Variants in MACROD2 observed in about 807,000 individuals in gnomAD.
MACROD2 encodes the protein mono-ADP ribosylhydrolase 2.
Under a neutral mutation model 70.4 loss-of-function variants are expected in MACROD2, and 36 were observed. The ratio of observed to expected loss-of-function variants is 0.51; its 90% CI spans 0.39 to 0.68. The LOEUF (loss-of-function observed/expected upper bound fraction) is 0.68, where lower values mean the gene tolerates loss of function less well. Among genes scored for constraint, MACROD2 ranks in the 30% least tolerant of loss-of-function variants. The probability of loss-of-function intolerance (pLI) is 0.00; values close to 1 mark genes in which losing one functional copy is unlikely to be tolerated. For missense variants in MACROD2, 496 were observed against 538.4 expected (o/e 0.92, Z 0.78); for synonymous variants, 172 against 178.8 (o/e 0.96, Z 0.30).
intron 5 of MACROD2, among the ~76,000 whole-genome samples, chr20:15,207,436 GT>G (rs548522491): frequency 1.1e-3 from 96 of 84,558 alleles, no homozygotes; most frequent in Middle Eastern, 0.019. Flanking sequence ...TTTGTTTCTG[GT>G]TTTTTTTTTT....
intron 5 of MACROD2, among the ~76,000 whole-genome samples, chr20:15,078,568 C>A (rs886889464): frequency 1.1e-4 from 16 of 152,080 alleles, no homozygotes; most frequent in Non-Finnish European, 1.5e-4. Context: ...TAAAAAAAAT[C>A]TTCTTTATAA....
At chr20:15,404,988 G>C (rs1457980773) in intron 6 of MACROD2, among the ~76,000 whole-genome samples, 1 of 152,162 alleles carries the variant, frequency 6.6e-6, no homozygotes, top group Non-Finnish European at 1.5e-5. Context: ...TACAATATGA[G>C]TGAACCTTAA....
chr20:14,240,549 T>A (rs2081919905), intron 3 of MACROD2, among the ~76,000 whole-genome samples: 1 of 152,076 alleles, frequency 6.6e-6, no homozygotes. Flanking sequence ...GCAATATGGA[T>A]GGAGCTGGAG....
intron 10 of MACROD2, among the ~76,000 whole-genome samples, chr20:15,888,202 A>G (rs1325167570): frequency 6.6e-6 from 1 of 152,198 alleles, no homozygotes; most frequent in Non-Finnish European, 1.5e-5. Context: ...CTTTTATAAA[A>G]CATAGAGCTC....
At chr20:15,755,504 T>C (rs1280529273) in intron 8 of MACROD2, among the ~76,000 whole-genome samples, 1 of 152,146 alleles carries the variant, frequency 6.6e-6, no homozygotes, top group African/African-American at 2.4e-5. Flanking sequence ...CTAAAGCCCA[T>C]ATGCACGTGC....
intron 6 of MACROD2, among the ~76,000 whole-genome samples, chr20:15,264,571 GGCA>G (rs2077276218): frequency 6.6e-6 from 1 of 152,146 alleles, no homozygotes; most frequent in Non-Finnish European, 1.5e-5. Flanking sequence ...GGAGGGTGGT[GGCA>G]ACAAGCTATG....
intron 8 of MACROD2, among the ~76,000 whole-genome samples, chr20:15,850,385 C>T (rs922114976): frequency 4.6e-5 from 7 of 152,204 alleles, no homozygotes; most frequent in Non-Finnish European, 7.3e-5. Flanking sequence ...TTGCTCAGAG[C>T]CTGCCAGCAC....
chr20:15,482,140 A>G (rs1258090040), intron 7 of MACROD2, among the ~76,000 whole-genome samples: 1 of 152,190 alleles, frequency 6.6e-6, no homozygotes, highest in Non-Finnish European at 1.5e-5. Flanking sequence ...TGCCTGTTCC[A>G]TCCCAGGCTT....
intron 8 of MACROD2, among the ~76,000 whole-genome samples, chr20:15,504,022 C>T (rs1218148833): frequency 6.6e-6 from 1 of 152,166 alleles, no homozygotes; most frequent in Non-Finnish European, 1.5e-5. Context: ...TTACATTTCA[C>T]CATTAACTTA....
At chr20:16,037,875 G>C (rs1455749297) in intron 15 of MACROD2, among the ~76,000 whole-genome samples, 2 of 151,820 alleles carry the variant, frequency 1.3e-5, no homozygotes, top group African/African-American at 2.4e-5. Flanking sequence ...GCTTTGTCCT[G>C]TGTAAGAAAT....
At chr20:15,120,313 C>T (rs1043620901) in intron 5 of MACROD2, among the ~76,000 whole-genome samples, 2 of 152,066 alleles carry the variant, frequency 1.3e-5, no homozygotes, top group South Asian at 2.1e-4. Flanking sequence ...TGTGCATATG[C>T]GCACACATTT....
intron 15 of MACROD2, among the ~76,000 whole-genome samples, chr20:15,990,685 T>G (rs1568691171): frequency 6.6e-6 from 1 of 152,118 alleles, no homozygotes; most frequent in Non-Finnish European, 1.5e-5. Flanking sequence ...CAGTGACAAG[T>G]GTAAAGTATC....
chr20:15,621,652 TG>T (rs2049127727), intron 8 of MACROD2, among the ~76,000 whole-genome samples: 1 of 152,202 alleles, frequency 6.6e-6, no homozygotes, highest in African/African-American at 2.4e-5. Flanking sequence ...GGTCCTTTCA[TG>T]TTCCTGATGT....
rs1173650760 is a variant in MACROD2 at position 15,101,737 on chromosome 20, G to C, written c.419-128203G>C. 2.0e-5 allele frequency among the ~76,000 whole-genome samples: 3 copies of C among 151,720 alleles called. No individual in the cohort carries two copies. In the East Asian group the frequency reaches 5.8e-4, roughly 29 times the overall value. On this transcript the variant is annotated intron_variant, in intron 5 of 17. Transcript: ENST00000684519. ...TCAGAATACGAATTATAGACTCCTGGTTCTCACTTTGGAGTAATTTATAAT... is the reference window on the plus strand; with the variant it reads ...TCAGAATACGAATTATAGACTCCTGCTTCTCACTTTGGAGTAATTTATAAT...
chr20:14,481,197 T>C (rs1568632317), intron 3 of MACROD2, among the ~76,000 whole-genome samples: 1 of 152,282 alleles, frequency 6.6e-6, no homozygotes, highest in East Asian at 1.9e-4. Context: ...ATGTAGTATT[T>C]ATTATTGTTT....
chr20:14,439,326 G>A (rs1461019353), intron 3 of MACROD2, among the ~76,000 whole-genome samples: 1 of 152,054 alleles, frequency 6.6e-6, no homozygotes, highest in South Asian at 2.1e-4. Flanking sequence ...AAATCGGGCA[G>A]TGTGATGCCT....
intron 8 of MACROD2, among the ~76,000 whole-genome samples, chr20:15,699,797 C>G (rs997522249): frequency 1.3e-5 from 2 of 152,174 alleles, no homozygotes; most frequent in African/African-American, 4.8e-5. Context: ...CAAATTGTTA[C>G]AAAGTTCGAC....
chr20:15,414,061 G>T (rs2146328787), intron 6 of MACROD2, among the ~76,000 whole-genome samples: 1 of 152,234 alleles, frequency 6.6e-6, no homozygotes, highest in South Asian at 2.1e-4. Context: ...CTAAACTGAG[G>T]TTATATATAT....
intron 6 of MACROD2, among the ~76,000 whole-genome samples, chr20:15,336,693 G>A (rs936572012): frequency 4.6e-5 from 7 of 151,684 alleles, no homozygotes; most frequent in African/African-American, 1.7e-4. Flanking sequence ...CTAAAAGTGC[G>A]TGTGTGGCCT....
Sources: gnomAD v4.1 joint callset for allele counts (sites outside exome capture counted in the v4.1 genomes callset) on GRCh38, gnomAD v4.1.1 for gene constraint, MANE v1.5 for transcripts, NCBI Gene and HGNC (gene_info 2026-07-23, HGNC 2026-07-21) for gene names.